Variants in CDH13 observed in about 807,000 individuals in gnomAD.
The protein encoded by CDH13 is cadherin 13, also known as cadherin-13.
CDH13 carries 24 observed loss-of-function variants against 63.8 expected under a neutral mutation model. The observed-to-expected ratio is 0.38, with a 90% CI of 0.27 to 0.53. CDH13 has a LOEUF of 0.53. Among genes scored for constraint, CDH13 ranks in the 20% least tolerant of loss-of-function variants. The pLI is 0.85. For missense variants in CDH13, 1,049 were observed against 903.1 expected (o/e 1.16, Z -2.07); for synonymous variants, 503 against 355.3 (o/e 1.42, Z -4.67).
At chr16:82,640,551 A>C (rs1337375954) in intron 1 of CDH13, among the ~76,000 whole-genome samples, 5 of 152,168 alleles carry the variant, frequency 3.3e-5, no homozygotes, top group Admixed American at 1.3e-4. Flanking sequence ...AGGGTAATAA[A>C]ATGTTATTTA....
chr16:82,912,242 C>CATCTTATTTTCT, intron 2 of CDH13, among the ~76,000 whole-genome samples: 1 of 16,220 alleles, frequency 6.2e-5, no homozygotes, highest in Middle Eastern at 0.022. Context: ...ATTTTCTTAA[C>CATCTTATTTTCT]TATTTAGTGA....
intron 8 of CDH13, among the ~76,000 whole-genome samples, chr16:83,649,638 G>C (rs1402202044): frequency 6.6e-6 from 1 of 152,172 alleles, no homozygotes; most frequent in African/African-American, 2.4e-5. Flanking sequence ...GAGCAGCAAG[G>C]AAGATAGCCT....
At chr16:82,964,925 G>A (rs528569586) in intron 2 of CDH13, among the ~76,000 whole-genome samples, 91 of 152,296 alleles carry the variant, frequency 6.0e-4, no homozygotes, top group South Asian at 1.9e-3. Flanking sequence ...GTTGGCAGGG[G>A]CCAGAAGTCC....
At chr16:83,247,239 A>G (rs927980131) in intron 5 of CDH13, among the ~76,000 whole-genome samples, 1 of 152,156 alleles carries the variant, frequency 6.6e-6, no homozygotes, top group African/African-American at 2.4e-5. Flanking sequence ...AGAAGGAGGC[A>G]TGTGGTGTGG....
At chr16:82,768,887 T>A (rs1033212786) in intron 1 of CDH13, among the ~76,000 whole-genome samples, 2 of 152,192 alleles carry the variant, frequency 1.3e-5, no homozygotes, top group East Asian at 3.9e-4. Context: ...CTTTAATATT[T>A]TGTATTTTGC....
At chr16:83,236,237 GCACACACACACA>G (rs3049880) in intron 5 of CDH13, among the ~76,000 whole-genome samples, 2 of 148,898 alleles carry the variant, frequency 1.3e-5, no homozygotes, top group African/African-American at 2.5e-5. Flanking sequence ...ACACGCACAT[GCACACACACACA>G]CACACACACA....
chr16:82,825,745 C>T (rs2038216181), intron 1 of CDH13: 1 of 151,978 alleles, frequency 6.6e-6, no homozygotes, highest in Non-Finnish European at 1.5e-5. Context: ...TGGGGTTTCA[C>T]CATGTTGGCC....
chr16:83,106,288 C>G (rs954493823), intron 3 of CDH13, among the ~76,000 whole-genome samples: 4 of 152,126 alleles, frequency 2.6e-5, no homozygotes, highest in Non-Finnish European at 5.9e-5. Flanking sequence ...GCCTGTAATC[C>G]CAGCACTTTG....
At chr16:83,303,013 G>A (rs950589651) in intron 5 of CDH13, among the ~76,000 whole-genome samples, 1 of 152,174 alleles carries the variant, frequency 6.6e-6, no homozygotes, top group Non-Finnish European at 1.5e-5. Context: ...GTCATTTCCA[G>A]TCCAACAGTA....
At chr16:83,613,842 T>G (rs1909065016) in intron 8 of CDH13, among the ~76,000 whole-genome samples, 1 of 140,744 alleles carries the variant, frequency 7.1e-6, no homozygotes. Flanking sequence ...CAAAAAAAAT[T>G]TTTTTTAATT....
intron 8 of CDH13, among the ~76,000 whole-genome samples, chr16:83,626,634 A>T (rs1024345099): frequency 6.6e-6 from 1 of 151,080 alleles, no homozygotes; most frequent in Admixed American, 6.6e-5. Flanking sequence ...ACTGAACTCA[A>T]CGTTGTCCTC....
At chr16:83,691,290 C>G (rs1051930216) in intron 10 of CDH13, among the ~76,000 whole-genome samples, 8 of 152,010 alleles carry the variant, frequency 5.3e-5, no homozygotes, top group African/African-American at 1.5e-4. Context: ...TTGAGGTAGA[C>G]AAAGGGAGCA....
chr16:83,687,639 A>C (rs568159893), intron 10 of CDH13, among the ~76,000 whole-genome samples: 1 of 152,214 alleles, frequency 6.6e-6, no homozygotes, highest in Non-Finnish European at 1.5e-5. Flanking sequence ...TTTTCTTTTA[A>C]TCTTCAAACA....
intron 8 of CDH13, among the ~76,000 whole-genome samples, chr16:83,627,406 C>A (rs147615317): frequency 6.6e-6 from 1 of 152,196 alleles, no homozygotes; most frequent in East Asian, 1.9e-4. Context: ...TCCTGAGAGG[C>A]CTCTGATCTG....
rs1343350266 is a variant in CDH13, at chr16:83,508,055, A to AGGAAG, written c.960+21401_960+21402insGAAGG. Among the ~76,000 whole-genome samples, 190 of 58,298 alleles carry AGGAAG rather than the reference A, an allele frequency of 3.3e-3. 2 individuals carry two copies. Among genetic ancestry groups the AGGAAG allele is most frequent in the African/African-American group, 0.015 (186 of 12,692 alleles). The allele number at this position is 58,298 out of a possible 152,430, so 38.2% of individuals were successfully genotyped here. A position where few individuals can be genotyped will look rare whatever the true frequency, so the allele number is the denominator to read the frequency against. ...CGAAAGAAAGAAAGAGAGAAAGAGAAGAAGGAAGGAAGGAAGGAAGGAAGG... is the reference window on the plus strand; with the variant it reads ...CGAAAGAAAGAAAGAGAGAAAGAGAAGGAAGGAAGGAAGGAAGGAAGGAAGGAAGG... On this transcript the variant is annotated intron_variant, in intron 7 of 13. Transcript: ENST00000567109.
intron 2 of CDH13, among the ~76,000 whole-genome samples, chr16:82,925,305 C>A (rs2042270119): frequency 6.6e-6 from 1 of 152,160 alleles, no homozygotes; most frequent in Admixed American, 6.5e-5. Context: ...TAAAGGGGAG[C>A]AGTTATGACG....
chr16:83,403,662 A>G (rs989730897), intron 6 of CDH13, among the ~76,000 whole-genome samples: 3 of 152,012 alleles, frequency 2.0e-5, no homozygotes, highest in African/African-American at 7.2e-5. Context: ...AAATGTAGAA[A>G]CCTTTGGGGG....
intron 5 of CDH13, among the ~76,000 whole-genome samples, chr16:83,299,264 T>C (rs992724477): frequency 6.7e-6 from 1 of 148,694 alleles, no homozygotes; most frequent in South Asian, 2.2e-4. Flanking sequence ...TTATTTTGGA[T>C]GCTTGCTTGG....
chr16:83,725,768 C>T (rs2150943847), intron 10 of CDH13: 1 of 152,334 alleles, frequency 6.6e-6, no homozygotes, highest in South Asian at 2.1e-4. Flanking sequence ...TCATTTATAA[C>T]CCGTCATCTG....
Sources: gnomAD v4.1 joint callset for allele counts (sites outside exome capture counted in the v4.1 genomes callset) on GRCh38, gnomAD v4.1.1 for gene constraint, MANE v1.5 for transcripts, NCBI Gene and HGNC (gene_info 2026-07-23, HGNC 2026-07-21) for gene names.